Variants in CRTAC1 observed in about 807,000 individuals in gnomAD.
CRTAC1 encodes the protein cartilage acidic protein 1, also known as acidic secreted protein in cartilage.
A neutral mutation model predicts 67.8 loss-of-function variants in CRTAC1; 37 were observed. The observed-to-expected ratio is 0.55, with a 90% confidence interval of 0.42 to 0.72. CRTAC1 has a LOEUF of 0.72. Among genes scored for constraint, CRTAC1 ranks in the 30% least tolerant of loss-of-function variants. CRTAC1 has a pLI of 0.00. For synonymous variants in CRTAC1, 348 were observed against 371.0 expected, an observed-to-expected ratio of 0.94 and a Z score of 0.71; for missense variants, 780 against 931.6, an observed-to-expected ratio of 0.84 and a Z score of 2.12.
intron 14 of CRTAC1, among the ~76,000 whole-genome samples, chr10:97,872,633 G>T (rs1182002944): frequency 1.3e-5 from 2 of 152,198 alleles, no homozygotes; most frequent in Non-Finnish European, 2.9e-5. Flanking sequence ...ATGGCTGGCT[G>T]GCTGGATAAG....
intron 1 of CRTAC1, among the ~76,000 whole-genome samples, chr10:98,025,327 G>C (rs982536164): frequency 6.6e-6 from 1 of 152,106 alleles, no homozygotes; most frequent in African/African-American, 2.4e-5. Context: ...CTACCTAGTG[G>C]ATACTAGTAG....
At chr10:98,002,761 CTTTTTTTTTTTTTTTTTTTTTTT>C (rs531021933) in intron 2 of CRTAC1, among the ~76,000 whole-genome samples, 5 of 37,296 alleles carry the variant, frequency 1.3e-4, no homozygotes, top group Admixed American at 3.4e-4. Flanking sequence ...ACAAAACTCA[CTTTTTTTTTTTTTTTTTTTTTTT>C]TTTTTTTTTT....
At chr10:97,880,539 C>A in intron 13 of CRTAC1, 147 bp from the exon 14 acceptor site, 1 of 1,035,838 alleles carries the variant, frequency 9.7e-7, no homozygotes, top group East Asian at 2.6e-5. Context: ...TTGGCTGGCT[C>A]CTCCTGTACT....
chr10:97,896,933 A>G lies in CRTAC1; in HGVS notation c.1192T>C (p.Leu398=). 1 of 1,559,736 alleles carries G rather than the reference A, an allele frequency of 6.4e-7. No homozygotes were observed. The highest frequency in any genetic ancestry group is 8.7e-7 in the Non-Finnish European group (1 of 1,151,126). The change falls in exon 9 of 15, where the codon TTG becomes CTG. Residue 398 remains leucine, a synonymous_variant. Transcript: ENST00000370597. Reference sequence around the variant, plus strand: ...CCTGTGCCCCGGCCCTCAGGCTCCAAGGCGTCGCCGGGATTGAGCTCCTCG... The same window carrying G: ...CCTGTGCCCCGGCCCTCAGGCTCCAGGGCGTCGCCGGGATTGAGCTCCTCG... ...LIEELNPGDA[L]EPEGRGTGGV...
At chr10:97,940,713 G>A (rs1320133215) in intron 2 of CRTAC1, among the ~76,000 whole-genome samples, 2 of 152,322 alleles carry the variant, frequency 1.3e-5, no homozygotes, top group African/African-American at 4.8e-5. Context: ...CTTGTCCCTC[G>A]GTTCCTCTAA....
intron 14 of CRTAC1, chr10:97,879,558 T>A (rs991641997): frequency 8.2e-7 from 1 of 1,226,562 alleles, no homozygotes; most frequent in Non-Finnish European, 1.1e-6. Context: ...ACCCCTGTTG[T>A]CCATTCAGAG....
chr10:97,883,029 T>C (rs2050236905), intron 12 of CRTAC1, among the ~76,000 whole-genome samples: 1 of 152,248 alleles, frequency 6.6e-6, no homozygotes, highest in Non-Finnish European at 1.5e-5. Context: ...AGGCCATGAA[T>C]GGATACGGTT....
chr10:97,881,014 C>A (rs1370413648), intron 13 of CRTAC1, among the ~76,000 whole-genome samples: 2 of 152,186 alleles, frequency 1.3e-5, no homozygotes, highest in African/African-American at 4.8e-5. Context: ...TCCTCTGCCA[C>A]CACCCAATTT....
chr10:97,915,020 A>G (rs59223470), intron 5 of CRTAC1, among the ~76,000 whole-genome samples: 6,825 of 151,976 alleles, frequency 0.045, 508 homozygotes, highest in African/African-American at 0.15. Flanking sequence ...GCAGTGCTGA[A>G]GGCCGGTACC....
chr10:97,897,052 C>CGAGATCTA, intron 8 of CRTAC1, 61 bp from the exon 9 acceptor site: 1 of 1,240,312 alleles, frequency 8.1e-7, no homozygotes, highest in African/African-American at 1.5e-5. Context: ...ACCAGAAGGC[C>CGAGATCTA]CACCTGCTCC....
intron 7 of CRTAC1, 152 bp downstream of exon 7, chr10:97,904,517 G>T: frequency 3.2e-6 from 2 of 633,514 alleles, no homozygotes; most frequent in Middle Eastern, 4.4e-4. Context: ...TGCCTCCTGG[G>T]CTCAAGATTC....
At chr10:97,921,097 C>A (rs186573133) in intron 4 of CRTAC1, among the ~76,000 whole-genome samples, 1 of 152,194 alleles carries the variant, frequency 6.6e-6, no homozygotes, top group Admixed American at 6.5e-5. Flanking sequence ...ATTGGAGTCA[C>A]CTGCAGGGCT....
chr10:98,000,728 TA>T (rs1351745729), intron 2 of CRTAC1, among the ~76,000 whole-genome samples: 3 of 152,034 alleles, frequency 2.0e-5, no homozygotes, highest in African/African-American at 7.2e-5. Context: ...CCACCTTCAA[TA>T]AAAAAGATTT....
At chr10:97,879,608 CA>C (rs1350483503) in intron 14 of CRTAC1, 2 of 1,500,278 alleles carry the variant, frequency 1.3e-6, no homozygotes, top group African/African-American at 2.8e-5. Flanking sequence ...GAGAGAGAGA[CA>C]AGCAGCAGGA....
intron 2 of CRTAC1, among the ~76,000 whole-genome samples, chr10:97,973,692 C>T (rs984031101): frequency 2.0e-5 from 3 of 152,192 alleles, no homozygotes; most frequent in Non-Finnish European, 4.4e-5. Flanking sequence ...CTTCCTCCTT[C>T]CTGAACCCCT....
At chr10:97,916,066 C>T (rs930165304) in intron 5 of CRTAC1, among the ~76,000 whole-genome samples, 5 of 152,218 alleles carry the variant, frequency 3.3e-5, no homozygotes, top group African/African-American at 1.2e-4. Context: ...AACCCAGCCG[C>T]AACCTCCAGA....
chr10:97,908,821 G>A (rs1236669570), intron 5 of CRTAC1, among the ~76,000 whole-genome samples: 1 of 152,180 alleles, frequency 6.6e-6, no homozygotes, highest in Non-Finnish European at 1.5e-5. Context: ...GGTATTGTGA[G>A]ATCTTGCTTT....
At chr10:98,002,766 T>TTTTG (rs1842715932) in intron 2 of CRTAC1, among the ~76,000 whole-genome samples, 2 of 85,528 alleles carry the variant, frequency 2.3e-5, no homozygotes, top group Non-Finnish European at 4.5e-5. Context: ...ACTCACTTTT[T>TTTTG]TTTTTTTTTT....
At chr10:97,866,369 C>G (rs1157423702) in intron 14 of CRTAC1, 2 of 152,262 alleles carry the variant, frequency 1.3e-5, no homozygotes, top group African/African-American at 4.8e-5. Flanking sequence ...ACTTTGCAGG[C>G]TGCCAGGTGC....
Sources: allele counts gnomAD v4.1 joint callset (sites outside exome capture counted in the v4.1 genomes callset), GRCh38; gene constraint gnomAD v4.1.1; transcripts MANE v1.5; gene names NCBI Gene and HGNC (gene_info 2026-07-23, HGNC 2026-07-21).